PDLIM5: variants seen among roughly 807,000 people sequenced by gnomAD.
The protein encoded by PDLIM5 is PDZ and LIM domain 5.
PDLIM5 carries 34 observed loss-of-function variants against 64.2 expected under a neutral mutation model. That is an observed-to-expected ratio of 0.53 (90% CI 0.40 to 0.71). PDLIM5 has a LOEUF of 0.71. Among genes scored for constraint, PDLIM5 ranks in the 30% least tolerant of loss-of-function variants. The probability of loss-of-function intolerance (pLI) is 0.00; values close to 1 mark genes in which losing one functional copy is unlikely to be tolerated. For synonymous variants in PDLIM5, 253 were observed against 269.1 expected, an observed-to-expected ratio of 0.94 and a Z score of 0.59; for missense variants, 683 against 733.6, an observed-to-expected ratio of 0.93 and a Z score of 0.80.
intron 11 of PDLIM5, 141 bp downstream of exon 11, chr4:94,657,688 T>G: frequency 1.8e-6 from 1 of 568,412 alleles, no homozygotes; most frequent in East Asian, 3.1e-5. Flanking sequence ...GCTCTAAGCA[T>G]GTAGAAAAAA....
chr4:94,643,089 G>A (rs1339293173), intron 9 of PDLIM5, among the ~76,000 whole-genome samples: 1 of 151,780 alleles, frequency 6.6e-6, no homozygotes, highest in East Asian at 1.9e-4. Flanking sequence ...CAGCAGAGTT[G>A]ATTGTTTTAG....
rs1372849746 is a variant in PDLIM5 at position 94,575,579 on chromosome 4, G to T, written c.292-37G>T. The T allele has an allele frequency of 3.7e-6, 5 of 1,347,742 alleles. No individual in the cohort carries two copies. In the African/African-American group the frequency reaches 4.4e-5, roughly 12 times the overall value. 83.5% of individuals were successfully genotyped at this position (1,347,742 alleles called of 1,614,324 possible). On this transcript the variant is annotated intron_variant, in intron 4 of 12. Coordinates refer to ENST00000317968, the MANE Select transcript of PDLIM5 (RefSeq NM_006457.5). ...GTGAAATATATTTTGCATGTGTTTG[G>T]TGTGGTTTTGTGTATGTTTATTTTT...
chr4:94,455,901 C>T, intron 2 of PDLIM5: 1 of 1,439,372 alleles, frequency 6.9e-7, no homozygotes, highest in Non-Finnish European at 9.4e-7. Flanking sequence ...GGGCTTGGAG[C>T]TCCAACTAGA....
At chr4:94,567,538 A>G (rs1578391088) in intron 3 of PDLIM5, among the ~76,000 whole-genome samples, 1 of 151,278 alleles carries the variant, frequency 6.6e-6, no homozygotes, top group Non-Finnish European at 1.5e-5. Flanking sequence ...TAAAGATAGT[A>G]TAGTTCATGA....
chr4:94,518,207 T>C (rs1254589077), intron 2 of PDLIM5, among the ~76,000 whole-genome samples: 1 of 152,172 alleles, frequency 6.6e-6, no homozygotes, highest in Non-Finnish European at 1.5e-5. Flanking sequence ...TTTAAAATGA[T>C]ATCTGCCATA....
chr4:94,527,046 CTTTTTT>C (rs57625095), intron 3 of PDLIM5, among the ~76,000 whole-genome samples: 1 of 57,810 alleles, frequency 1.7e-5, no homozygotes, highest in Non-Finnish European at 3.2e-5. Flanking sequence ...GAACAGCATT[CTTTTTT>C]TTTTTTTTTT....
Position 94,586,276 on chromosome 4 carries a change from G to A in PDLIM5, c.884-132G>A, listed in dbSNP as rs116322156. On this transcript the variant is annotated intron_variant, in intron 6 of 12. Coordinates refer to ENST00000317968, the MANE Select transcript of PDLIM5 (RefSeq NM_006457.5). ...AACTATAGTTTATGGCCAATAACAG[G>A]CTACTATGGAATTCGTTTTAGTGGC... 4.9e-3 allele frequency: 2,896 copies of A among 590,442 alleles called. 40 individuals are homozygous for A. Among genetic ancestry groups the A allele is most frequent in the African/African-American group, 0.035 (1,852 of 53,428 alleles). The allele number at this position is 590,442 out of a possible 1,614,324, so 36.6% of individuals were successfully genotyped here.
intron 3 of PDLIM5, among the ~76,000 whole-genome samples, chr4:94,538,799 C>A (rs1731532094): frequency 6.6e-6 from 1 of 152,052 alleles, no homozygotes; most frequent in Non-Finnish European, 1.5e-5. Context: ...CCACTTGATT[C>A]TAGGGTGCCA....
At position 94,531,014 on chromosome 4, in the gene PDLIM5, A is replaced by G. The variant is rs539828204; in HGVS notation, c.248+7139A>G. Among the ~76,000 whole-genome samples the G allele has an allele frequency of 6.6e-5, 10 of 152,300 alleles. No homozygotes were observed. The South Asian group carries it at 1.2e-3, about 19-fold the overall frequency. Reference sequence around the variant, plus strand: ...TTTCAATCGAAGTTTTCAGTTCTCTATCTGGGACATTTCAGTTCATGTGAA... The same window carrying G: ...TTTCAATCGAAGTTTTCAGTTCTCTGTCTGGGACATTTCAGTTCATGTGAA... On this transcript the variant is annotated intron_variant, in intron 3 of 12. Transcript: ENST00000317968.
chr4:94,510,813 G>T (rs1728805448), intron 2 of PDLIM5, among the ~76,000 whole-genome samples: 1 of 152,028 alleles, frequency 6.6e-6, no homozygotes, highest in Admixed American at 6.6e-5. Context: ...TTCGAGACCA[G>T]CCTGGCCAAC....
intron 8 of PDLIM5, among the ~76,000 whole-genome samples, chr4:94,633,862 A>T (rs1330847981): frequency 6.6e-6 from 1 of 152,194 alleles, no homozygotes; most frequent in Non-Finnish European, 1.5e-5. Context: ...GGAAAGCTAC[A>T]TTGATAATAC....
chr4:94,536,352 C>G (rs1409230074), intron 3 of PDLIM5, among the ~76,000 whole-genome samples: 3 of 152,088 alleles, frequency 2.0e-5, no homozygotes, highest in Non-Finnish European at 4.4e-5. Context: ...TTGGATTCCA[C>G]CAAGTTAACT....
At chr4:94,488,985 G>T (rs1177562747) in intron 2 of PDLIM5, 1 of 152,240 alleles carries the variant, frequency 6.6e-6, no homozygotes. Flanking sequence ...TGTATGGAAA[G>T]TAATTTTGCA....
At chr4:94,657,074 A>T (rs577329027) in intron 10 of PDLIM5, among the ~76,000 whole-genome samples, 4 of 152,314 alleles carry the variant, frequency 2.6e-5, no homozygotes, top group African/African-American at 9.6e-5. Context: ...TTGGTAAGTT[A>T]ATGTTTCCTG....
intron 12 of PDLIM5, 91 bp downstream of exon 12, chr4:94,662,628 C>G (rs1742827805): frequency 1.7e-6 from 1 of 578,424 alleles, no homozygotes; most frequent in Non-Finnish European, 3.2e-6. Context: ...CTGGGTCTTT[C>G]AGTCCTTCAA....
chr4:94,611,499 A>C (rs1738363262), intron 7 of PDLIM5, among the ~76,000 whole-genome samples: 1 of 152,210 alleles, frequency 6.6e-6, no homozygotes, highest in Non-Finnish European at 1.5e-5. Context: ...TCTGTCTTTC[A>C]TTGCATGGAT....
At chr4:94,527,858 G>A (rs1653699997) in intron 3 of PDLIM5, among the ~76,000 whole-genome samples, 1 of 152,200 alleles carries the variant, frequency 6.6e-6, no homozygotes, top group South Asian at 2.1e-4. Flanking sequence ...GGGCTAGGAG[G>A]TAGCTTATAT....
intron 2 of PDLIM5, among the ~76,000 whole-genome samples, chr4:94,467,820 T>C (rs973986930): frequency 6.6e-6 from 1 of 152,208 alleles, no homozygotes; most frequent in African/African-American, 2.4e-5. Context: ...ACAACAAACA[T>C]GCATGTTTGC....
chr4:94,530,571 T>TA (rs1447440138), intron 3 of PDLIM5, among the ~76,000 whole-genome samples: 2 of 150,548 alleles, frequency 1.3e-5, no homozygotes, highest in Non-Finnish European at 2.9e-5. Context: ...TCCTTGTTTT[T>TA]ATATTACTAG....
Sources: gnomAD v4.1 joint callset for allele counts (sites outside exome capture counted in the v4.1 genomes callset) on GRCh38, gnomAD v4.1.1 for gene constraint, MANE v1.5 for transcripts, NCBI Gene and HGNC (gene_info 2026-07-23, HGNC 2026-07-21) for gene names.